BCL2: variants seen among roughly 807,000 people sequenced by gnomAD.
BCL2 encodes the protein apoptosis regulator Bcl-2.
A neutral mutation model predicts 14.2 loss-of-function variants in BCL2; 1 was observed. That is an observed-to-expected ratio of 0.07 (90% CI 0.02 to 0.33). The LOEUF (loss-of-function observed/expected upper bound fraction) is 0.33, where lower values mean the gene tolerates loss of function less well. BCL2 is among the 10% of genes least tolerant of loss of function. The pLI is 0.99. For missense variants in BCL2, 247 were observed against 305.9 expected (o/e 0.81, Z 1.44); for synonymous variants, 151 against 137.2 (o/e 1.10, Z -0.70).
intron 2 of BCL2, chr18:63,314,671 C>T (rs944698931): frequency 2.0e-5 from 3 of 152,190 alleles, no homozygotes; most frequent in Non-Finnish European, 1.5e-5. Context: ...CCCTTGCCTG[C>T]AAGAGTCCCT....
intron 2 of BCL2, among the ~76,000 whole-genome samples, chr18:63,165,611 C>T (rs565866841): frequency 2.6e-5 from 4 of 152,298 alleles, no homozygotes; most frequent in South Asian, 4.1e-4. Context: ...GCTACACAAC[C>T]GGAAAAGGAG....
intron 2 of BCL2, among the ~76,000 whole-genome samples, chr18:63,244,490 C>T (rs1369073999): frequency 8.6e-5 from 13 of 152,024 alleles, no homozygotes; most frequent in African/African-American, 3.1e-4. Flanking sequence ...ATCTAGGAGG[C>T]GGAGGTTACA....
chr18:63,276,685 G>A (rs1246079642), intron 2 of BCL2, among the ~76,000 whole-genome samples: 2 of 152,188 alleles, frequency 1.3e-5, no homozygotes, highest in East Asian at 1.9e-4. Flanking sequence ...AGTCAACACC[G>A]ATTATGTCAT....
chr18:63,230,389 A>G (rs1910659087), intron 2 of BCL2, among the ~76,000 whole-genome samples: 1 of 152,182 alleles, frequency 6.6e-6, no homozygotes, highest in African/African-American at 2.4e-5. Flanking sequence ...AAATTTTAAG[A>G]AAGTTAGAGA....
chr18:63,259,363 G>A (rs1258935664), intron 2 of BCL2, among the ~76,000 whole-genome samples: 1 of 152,206 alleles, frequency 6.6e-6, no homozygotes, highest in African/African-American at 2.4e-5. Context: ...TTGCATGCAC[G>A]CAGGGCTTCG....
intron 2 of BCL2, among the ~76,000 whole-genome samples, chr18:63,285,730 G>A (rs554990758): frequency 1.3e-5 from 2 of 152,210 alleles, no homozygotes; most frequent in South Asian, 2.1e-4. Flanking sequence ...AGGGTGCACC[G>A]TTTCCATGCA....
At chr18:63,188,514 A>G (rs1468330911) in intron 2 of BCL2, among the ~76,000 whole-genome samples, 9 of 152,224 alleles carry the variant, frequency 5.9e-5, no homozygotes, top group East Asian at 5.8e-4. Flanking sequence ...ATGACCCTAA[A>G]CTGAATTGGA....
chr18:63,249,686 G>A (rs1171996632), intron 2 of BCL2, among the ~76,000 whole-genome samples: 4 of 144,980 alleles, frequency 2.8e-5, no homozygotes, highest in Admixed American at 1.4e-4. Flanking sequence ...CTCCAGCCTG[G>A]GTGACAGAGT....
rs1050314650 is a variant in BCL2, at chr18:63,124,555, C to G, written c.*4070G>C. The G allele has an allele frequency of 8.6e-6, 2 of 232,262 alleles. No individual in the cohort carries two copies. Among genetic ancestry groups the G allele is most frequent in the Non-Finnish European group, 1.7e-5 (2 of 117,310 alleles). 14.4% of individuals were successfully genotyped at this position (232,262 alleles called of 1,614,324 possible). On this transcript the variant is annotated 3_prime_UTR_variant, in exon 3 of 3. Transcript: ENST00000333681. ...CTGGTTATTCTGAAAACTTCCAACT[C>G]CCTGATCCAAACTTGGGAATGTTTT...
chr18:63,177,059 G>T (rs1009023903), intron 2 of BCL2, among the ~76,000 whole-genome samples: 43 of 151,796 alleles, frequency 2.8e-4, no homozygotes, highest in African/African-American at 9.9e-4. Context: ...TGGGACCACA[G>T]GTGCACACCC....
At chr18:63,183,028 G>A (rs1915513337) in intron 2 of BCL2, among the ~76,000 whole-genome samples, 1 of 152,226 alleles carries the variant, frequency 6.6e-6, no homozygotes, top group African/African-American at 2.4e-5. Flanking sequence ...CTAGGTCACT[G>A]ACGAATCTCT....
rs538259407 is a variant in BCL2 at position 63,127,818 on chromosome 18, T to C, written c.*807A>G. ...GGAGTTGGGGGGTGCGTATCCAAAA[T>C]ATATGAATATACACAATCAGGGCTT... On this transcript the variant is annotated 3_prime_UTR_variant, in exon 3 of 3. Transcript: ENST00000333681. The C allele has an allele frequency of 1.6e-4, 37 of 225,182 alleles. No individual in the cohort carries two copies. The highest frequency in any genetic ancestry group is 2.6e-4 in the Non-Finnish European group (29 of 112,740). 13.9% of individuals were successfully genotyped at this position (225,182 alleles called of 1,614,324 possible).
chr18:63,162,108 C>A (rs1914935862), intron 2 of BCL2, among the ~76,000 whole-genome samples: 1 of 152,138 alleles, frequency 6.6e-6, no homozygotes, highest in African/African-American at 2.4e-5. Context: ...GCACTCAAAT[C>A]TGGAATGTGT....
chr18:63,178,817 G>A (rs1365740419), intron 2 of BCL2, among the ~76,000 whole-genome samples: 1 of 151,006 alleles, frequency 6.6e-6, no homozygotes. Context: ...TTGTCACTGC[G>A]CCTTTGAGGA....
At chr18:63,198,579 GAC>G (rs1428603869) in intron 2 of BCL2, among the ~76,000 whole-genome samples, 25 of 116,486 alleles carry the variant, frequency 2.1e-4, no homozygotes, top group African/African-American at 3.0e-4. Context: ...TTGACACACA[GAC>G]ACATAGACAC....
chr18:63,168,279 C>G (rs1191332162), intron 2 of BCL2, among the ~76,000 whole-genome samples: 1 of 149,374 alleles, frequency 6.7e-6, no homozygotes, highest in Non-Finnish European at 1.5e-5. Context: ...GGACTGGGGT[C>G]AGGTGTGATG....
intron 2 of BCL2, among the ~76,000 whole-genome samples, chr18:63,237,053 C>T (rs1910857790): frequency 6.6e-6 from 1 of 152,148 alleles, no homozygotes; most frequent in African/African-American, 2.4e-5. Context: ...GTTCTCTTGC[C>T]TCTGGGAAAT....
chr18:63,249,026 C>T (rs1202648581), intron 2 of BCL2, among the ~76,000 whole-genome samples: 1 of 152,196 alleles, frequency 6.6e-6, no homozygotes, highest in Non-Finnish European at 1.5e-5. Context: ...CCTACTATGA[C>T]TACATTCCCC....
At chr18:63,200,216 A>G (rs2144663272) in intron 2 of BCL2, among the ~76,000 whole-genome samples, 1 of 152,318 alleles carries the variant, frequency 6.6e-6, no homozygotes, top group African/African-American at 2.4e-5. Flanking sequence ...TTAGACTTAC[A>G]CAGCCTCCCA....
Sources: gnomAD v4.1 joint callset for allele counts (sites outside exome capture counted in the v4.1 genomes callset) on GRCh38, gnomAD v4.1.1 for gene constraint, MANE v1.5 for transcripts, NCBI Gene and HGNC (gene_info 2026-07-23, HGNC 2026-07-21) for gene names.